EXT2: variants seen among roughly 807,000 people sequenced by gnomAD.
EXT2 encodes the protein exostosin-2.
EXT2 carries 53 observed loss-of-function variants against 81.6 expected under a neutral mutation model. The ratio of observed to expected loss-of-function variants is 0.65; its 90% confidence interval spans 0.52 to 0.82. The LOEUF is 0.82. EXT2 is among the 40% of genes least tolerant of loss of function. The probability of loss-of-function intolerance (pLI) is 0.00; values close to 1 mark genes in which losing one functional copy is unlikely to be tolerated. For synonymous variants in EXT2, 320 were observed against 340.0 expected, an observed-to-expected ratio of 0.94 and a Z score of 0.65; for missense variants, 774 against 910.2, an observed-to-expected ratio of 0.85 and a Z score of 1.93.
intron 10 of EXT2, among the ~76,000 whole-genome samples, chr11:44,218,793 C>CTTTTTTTTTT (rs11368525): frequency 2.2e-5 from 2 of 92,296 alleles, no homozygotes; most frequent in Non-Finnish European, 3.8e-5. Context: ...ATCTGCAATT[C>CTTTTTTTTTT]TTTTTTTTTT....
rs1023016370 is a variant in EXT2 at position 44,251,709 on chromosome 11, G to A, written c.*7422G>A. 2.0e-5 allele frequency among the ~76,000 whole-genome samples: 3 copies of A among 152,094 alleles called. No homozygotes were observed. Among genetic ancestry groups the A allele is most frequent in the Non-Finnish European group, 4.4e-5 (3 of 68,008 alleles). ...CAGAAGAAAGTAAATTTTCATTTAT[G>A]TTTTTAAGTCTATTGTCTTAAAAAG... On this transcript the variant is annotated 3_prime_UTR_variant, in exon 14 of 14. Coordinates refer to ENST00000533608, the MANE Select transcript of EXT2 (RefSeq NM_207122.2).
chr11:44,203,599 G>T (rs956176273), intron 9 of EXT2, among the ~76,000 whole-genome samples: 2 of 152,120 alleles, frequency 1.3e-5, no homozygotes, highest in African/African-American at 4.8e-5. Flanking sequence ...CACATAACTT[G>T]CTGGGAAGCT....
intron 7 of EXT2, among the ~76,000 whole-genome samples, chr11:44,158,724 A>G (rs906036539): frequency 6.6e-6 from 1 of 151,866 alleles, no homozygotes; most frequent in Non-Finnish European, 1.5e-5. Context: ...TTCCTGACCT[A>G]TATCATTTTC....
chr11:44,210,433 T>C (rs1208128763), intron 10 of EXT2, among the ~76,000 whole-genome samples: 1 of 152,154 alleles, frequency 6.6e-6, no homozygotes, highest in African/African-American at 2.4e-5. Flanking sequence ...TATATAAAAT[T>C]CTGGAAAGTA....
intron 10 of EXT2, among the ~76,000 whole-genome samples, chr11:44,210,058 C>A (rs776080635): frequency 6.6e-6 from 1 of 152,202 alleles, no homozygotes; most frequent in Non-Finnish European, 1.5e-5. Context: ...GATCCATAAT[C>A]TGGTTACATC....
intron 3 of EXT2, among the ~76,000 whole-genome samples, chr11:44,110,596 C>T (rs1339676156): frequency 6.6e-6 from 1 of 152,140 alleles, no homozygotes; most frequent in Non-Finnish European, 1.5e-5. Context: ...GTCTCCATCT[C>T]CAGTTCTGGA....
At chr11:44,106,692 C>A (rs1162543516) in intron 1 of EXT2, among the ~76,000 whole-genome samples, 1 of 152,122 alleles carries the variant, frequency 6.6e-6, no homozygotes, top group Non-Finnish European at 1.5e-5. Flanking sequence ...TGCAGTGGCA[C>A]GATCTCGGCT....
intron 9 of EXT2, 141 bp from the exon 10 acceptor site, chr11:44,206,652 C>G: frequency 1.2e-6 from 1 of 809,560 alleles, no homozygotes; most frequent in Non-Finnish European, 2.0e-6. Flanking sequence ...AGAATCTCCC[C>G]TGACACAGTT....
intron 7 of EXT2, among the ~76,000 whole-genome samples, chr11:44,132,813 C>T (rs1031069314): frequency 6.6e-6 from 1 of 152,272 alleles, no homozygotes; most frequent in Non-Finnish European, 1.5e-5. Flanking sequence ...TGCTTTCGGA[C>T]CATCTAAAGC....
At chr11:44,178,982 T>C (rs1022446068) in intron 8 of EXT2, among the ~76,000 whole-genome samples, 3 of 152,120 alleles carry the variant, frequency 2.0e-5, no homozygotes, top group South Asian at 2.1e-4. Context: ...TCTTTGGAAG[T>C]GAGCTAGAAA....
rs867556610 is a variant in EXT2, at chr11:44,124,459, A to G, written c.744-330A>G. Among the ~76,000 whole-genome samples, 1,069 of 151,586 alleles carry G rather than the reference A, an allele frequency of 7.1e-3. 14 individuals carry two copies. Among genetic ancestry groups the G allele is most frequent in the African/African-American group, 0.025 (1,017 of 41,278 alleles). On this transcript the variant is annotated intron_variant, in intron 4 of 13. Transcript: ENST00000533608. ...GTTTCTCTCCTACACACACACACAC[A>G]CACACACACACACACACACACACAA...
At chr11:44,129,407 C>G (rs997517812) in intron 6 of EXT2, among the ~76,000 whole-genome samples, 2 of 152,200 alleles carry the variant, frequency 1.3e-5, no homozygotes, top group Non-Finnish European at 2.9e-5. Context: ...TCTCTGCCTT[C>G]TTTACTCTGC....
intron 10 of EXT2, among the ~76,000 whole-genome samples, chr11:44,215,854 TC>T (rs1305600624): frequency 2.0e-5 from 3 of 150,704 alleles, no homozygotes; most frequent in Non-Finnish European, 4.4e-5. Context: ...AGAGGAGTCT[TC>T]CATTTGGGAA....
chr11:44,109,803 C>A (rs1954117068), intron 3 of EXT2, among the ~76,000 whole-genome samples: 1 of 152,148 alleles, frequency 6.6e-6, no homozygotes, highest in Non-Finnish European at 1.5e-5. Flanking sequence ...TTCGTTCCTT[C>A]CAGAAAAACC....
At chr11:44,234,384 A>T in intron 12 of EXT2, 141 bp downstream of exon 12, 2 of 813,248 alleles carry the variant, frequency 2.5e-6, no homozygotes. Flanking sequence ...TCTATGATTG[A>T]TGCGGTCACA....
At chr11:44,114,064 G>A in intron 3 of EXT2, 121 bp from the exon 4 acceptor site, 1 of 895,524 alleles carries the variant, frequency 1.1e-6, no homozygotes, top group Non-Finnish European at 1.9e-6. Flanking sequence ...ATAGAAAACT[G>A]ACTCTGTAAA....
At chr11:44,212,541 G>C (rs972265266) in intron 10 of EXT2, among the ~76,000 whole-genome samples, 5 of 152,032 alleles carry the variant, frequency 3.3e-5, no homozygotes, top group African/African-American at 1.2e-4. Context: ...ATACATTACT[G>C]GTGAAAATGT....
chr11:44,138,147 C>T (rs1250600759), intron 7 of EXT2, among the ~76,000 whole-genome samples: 3 of 151,938 alleles, frequency 2.0e-5, no homozygotes, highest in African/African-American at 4.8e-5. Context: ...GGCACAGGCA[C>T]GGGAGGCAGG....
chr11:44,182,416 C>CA (rs1555014531), intron 8 of EXT2, among the ~76,000 whole-genome samples: 2 of 150,686 alleles, frequency 1.3e-5, no homozygotes, highest in Admixed American at 6.6e-5. Context: ...GAAGCTTTAG[C>CA]TTTTTTTTTG....
Sources: allele counts gnomAD v4.1 joint callset (sites outside exome capture counted in the v4.1 genomes callset), GRCh38; gene constraint gnomAD v4.1.1; transcripts MANE v1.5; gene names NCBI Gene and HGNC (gene_info 2026-07-23, HGNC 2026-07-21).